Variants in IGSF9B observed in about 807,000 individuals in gnomAD.
The protein encoded by IGSF9B is protein turtle homolog B.
In IGSF9B, 48 loss-of-function variants were observed where a neutral mutation model predicts 143.7. The observed-to-expected ratio is 0.33, with a 90% CI of 0.26 to 0.42. IGSF9B has a LOEUF of 0.42. IGSF9B is among the 20% of genes least tolerant of loss of function. The pLI is 1.00. For missense variants in IGSF9B, 1,706 were observed against 1,980.0 expected (o/e 0.86, Z 2.63); for synonymous variants, 903 against 833.1 (o/e 1.08, Z -1.44).
At chr11:133,932,276 CAG>C in intron 7 of IGSF9B, 63 bp from the exon 8 acceptor site, 1 of 1,477,220 alleles carries the variant, frequency 6.8e-7, no homozygotes. Flanking sequence ...CAGACAGACA[CAG>C]GGACAGACAG....
At chr11:133,938,223 G>A (rs1939861245) in intron 3 of IGSF9B, 2 of 398,638 alleles carry the variant, frequency 5.0e-6, no homozygotes, top group African/African-American at 4.0e-5. Context: ...TCTACTCTAG[G>A]GTGGCCCTTA....
chr11:133,951,966 G>GC (rs956893261), intron 1 of IGSF9B: 19 of 439,276 alleles, frequency 4.3e-5, no homozygotes, highest in Non-Finnish European at 7.9e-5. Flanking sequence ...CAAGTCACAG[G>GC]CCCCCGCTCC....
rs984671804 is a variant in IGSF9B, at chr11:133,899,223, G to A, written c.*9846C>T. On this transcript the variant is annotated 3_prime_UTR_variant, in exon 20 of 20. Coordinates refer to ENST00000533871, the MANE Select transcript of IGSF9B (RefSeq NM_001277285.4). ...AGAGCTCAGGCTCCTGGCAGTGGCTGTGGGCCGTAAAAGCTCCATCAGAGC... is the reference window on the plus strand; with the variant it reads ...AGAGCTCAGGCTCCTGGCAGTGGCTATGGGCCGTAAAAGCTCCATCAGAGC... 8 of 152,408 alleles carry A rather than the reference G, an allele frequency of 5.2e-5. No homozygotes were observed. The East Asian group carries it at 5.8e-4, about 11-fold the overall frequency. The allele number at this position is 152,408 out of a possible 1,614,324, so 9.4% of individuals were successfully genotyped here. A position where few individuals can be genotyped will look rare whatever the true frequency, so the allele number is the denominator to read the frequency against.
Position 133,931,567 on chromosome 11 carries a change from G to A in IGSF9B, c.1254C>T (p.Asp418=). ...QSAPARLVLK[D]PPYFTVLPGW... is the part of the protein sequence containing the mutation. ...CTGGTAGCACCGTGAAATAGGGGGG[G>A]TCCTGGGGAGGAAAGCACAGGCACC... The change falls in exon 10 of 20, where the codon GAC becomes GAT. Residue 418 remains aspartate (D), a splice_region_variant and synonymous_variant. Coordinates refer to ENST00000533871, the MANE Select transcript of IGSF9B (RefSeq NM_001277285.4). The surrounding 1 kb of genome is among the most constrained non-coding windows in gnomAD (Gnocchi z 7.7). 1.2e-5 allele frequency: 19 copies of A among 1,613,176 alleles called. No individual in the cohort carries two copies. Among genetic ancestry groups the A allele is most frequent in the Admixed American group, 3.3e-5 (2 of 59,988 alleles).
chr11:133,927,600 A>G (rs1591715794), intron 12 of IGSF9B, among the ~76,000 whole-genome samples: 1 of 152,318 alleles, frequency 6.6e-6, no homozygotes, highest in East Asian at 1.9e-4. Context: ...TCCAGGGTAT[A>G]AGACCATAAT....
Position 133,904,335 on chromosome 11 carries a change from A to G in IGSF9B, c.*4734T>C, listed in dbSNP as rs1338919680. On this transcript the variant is annotated 3_prime_UTR_variant, in exon 20 of 20. Transcript: ENST00000533871. Reference sequence around the variant, plus strand: ...CTGGTGATAGGATGGGCATCTCAAGACAAGTTTCTCAGCTTTGGGCCTGAG... The same window carrying G: ...CTGGTGATAGGATGGGCATCTCAAGGCAAGTTTCTCAGCTTTGGGCCTGAG... 1.3e-5 allele frequency among the ~76,000 whole-genome samples: 2 copies of G among 152,180 alleles called. No individual in the cohort carries two copies. The highest frequency in any genetic ancestry group is 2.9e-5 in the Non-Finnish European group (2 of 68,030).
In IGSF9B at chr11:133,945,865, AC is replaced by A. The variant is rs1335992615; in HGVS notation, c.262+195del. 1.3e-5 allele frequency among the ~76,000 whole-genome samples: 2 copies of A among 151,782 alleles called. No homozygotes were observed. Among genetic ancestry groups the A allele is most frequent in the Non-Finnish European group, 2.9e-5 (2 of 67,958 alleles). On this transcript the variant is annotated intron_variant, in intron 2 of 19. Coordinates refer to ENST00000533871, the MANE Select transcript of IGSF9B (RefSeq NM_001277285.4). The surrounding 1 kb of genome is among the most constrained non-coding windows in gnomAD (Gnocchi z 4.6). ...CAGGCGGTGCTGTTCAGAAGGCTTT[AC>A]CCTGCCCCACCTCCACAGCCCTCTC... is the stretch of plus-strand genomic sequence containing the variant.
chr11:133,922,747 G>A lies in IGSF9B; in HGVS notation c.2120-17C>T. 1.3e-6 allele frequency: 2 copies of A among 1,541,240 alleles called. No individual in the cohort carries two copies. The highest frequency in any genetic ancestry group is 2.4e-5 in the South Asian group (2 of 83,876). The stretch of plus-strand genomic sequence containing the variant: ...GGAAGATGTCTGCAGGGAGGGTGGG[G>A]AGCACTCATGAGCCCATCCTTCCCC... On this transcript the variant is annotated splice_polypyrimidine_tract_variant and intron_variant, in intron 15 of 19. Transcript: ENST00000533871.
chr11:133,944,499 A>G (rs1940009731), intron 2 of IGSF9B, 133 bp from the exon 3 acceptor site: 1 of 943,896 alleles, frequency 1.1e-6, no homozygotes, highest in South Asian at 1.6e-5. Context: ...GCTCCAGAAT[A>G]ACAGCTGGCA....
rs1383572322 is a variant in IGSF9B, at chr11:133,935,955, G to C, written c.821+98C>G. ...GACTGCCCACCTCCCCCAGCTCCAA[G>C]AGCCACGGGCAGCCTGCCCGTGCAA... is the stretch of plus-strand genomic sequence containing the variant. On this transcript the variant is annotated intron_variant, in intron 6 of 19. Transcript: ENST00000533871. The C allele has an allele frequency of 3.4e-6, 5 of 1,469,450 alleles. No individual in the cohort carries two copies. In the African/African-American group the frequency reaches 5.6e-5, roughly 16 times the overall value. 91.0% of individuals were successfully genotyped at this position (1,469,450 alleles called of 1,614,324 possible). A position where few individuals can be genotyped will look rare whatever the true frequency, so the allele number is the denominator to read the frequency against.
At chr11:133,936,030 A>G (rs755915875) in intron 6 of IGSF9B, 23 bp downstream of exon 6, 1 of 1,610,738 alleles carries the variant, frequency 6.2e-7, no homozygotes, top group Non-Finnish European at 8.5e-7. Flanking sequence ...AACCTCATTG[A>G]AAAGTCAGAG....
rs143726856 is a variant in IGSF9B, at chr11:133,944,111, G to A, written c.409+109C>T. On this transcript the variant is annotated intron_variant, in intron 3 of 19. Transcript: ENST00000533871. ...CACAGCAACAAGGAGGGGGGCAGGGGGTGAGATGCAGTTGGGAGAAGGGCT... is the reference window on the plus strand; with the variant it reads ...CACAGCAACAAGGAGGGGGGCAGGGAGTGAGATGCAGTTGGGAGAAGGGCT... 8.6e-4 allele frequency: 1,029 copies of A among 1,193,332 alleles called. 9 individuals carry two copies. The African/African-American group carries it at 0.014, about 16-fold the overall frequency. The allele number at this position is 1,193,332 out of a possible 1,614,324, so 73.9% of individuals were successfully genotyped here. A position where few individuals can be genotyped will look rare whatever the true frequency, so the allele number is the denominator to read the frequency against.
At chr11:133,943,049 C>G (rs329644) in intron 3 of IGSF9B, among the ~76,000 whole-genome samples, 96,517 of 152,008 alleles carry the variant, frequency 0.63, 31,376 homozygotes, top group Middle Eastern at 0.74. Flanking sequence ...CCCAGCCCCC[C>G]CAGGCAGGGC....
rs1266269394 is a variant in IGSF9B at position 133,931,069 on chromosome 11, C to T, written c.1434G>A (p.Leu478=). The change falls in exon 11 of 20, where the codon CTG becomes CTA. Residue 478 remains leucine (L), a synonymous_variant. Transcript: ENST00000533871. The surrounding 1 kb of genome is among the most constrained non-coding windows in gnomAD (Gnocchi z 7.7). ...LPSGSLQFRA[L]SKEDHGEWEC... ...CCCACTCCCCGTGGTCCTCCTTACT[C>T]AGGGCACGGAACTGCAGGCTCCCAC... is the stretch of plus-strand genomic sequence containing the variant. 2 of 1,613,818 alleles carry T rather than the reference C, an allele frequency of 1.2e-6. No homozygotes were observed. Among genetic ancestry groups the T allele is most frequent in the African/African-American group, 1.3e-5 (1 of 75,048 alleles).
intron 16 of IGSF9B, 98 bp downstream of exon 16, chr11:133,922,471 A>AT (rs2121295339): frequency 8.1e-7 from 1 of 1,238,790 alleles, no homozygotes; most frequent in East Asian, 2.5e-5. Flanking sequence ...CAATGTCCCT[A>AT]TTTCCAAGGG....
In IGSF9B at chr11:133,920,214, A is replaced by G; in HGVS notation, c.3511T>C (p.Tyr1171His). The G allele has an allele frequency of 6.6e-7, 1 of 1,513,860 alleles. No homozygotes were observed. The highest frequency in any genetic ancestry group is 8.8e-7 in the Non-Finnish European group (1 of 1,131,444). 93.8% of individuals were successfully genotyped at this position (1,513,860 alleles called of 1,614,324 possible). A position where few individuals can be genotyped will look rare whatever the true frequency, so the allele number is the denominator to read the frequency against. ...GGCCGGGGCCGGGGCTGGGGCTCAT[A>G]CCACCGGGTGTCCAGGCCAAATGTG... ...PSTFGLDTRW[Y>H]EPQPRPRPSP... Residue 1171 changes from tyrosine (Y) to histidine (H), a missense_variant, in exon 18 of 20, where the codon TAT becomes CAT. Transcript: ENST00000533871.
In IGSF9B at chr11:133,901,879, CACACACACACA is replaced by C. The variant is rs766077017; in HGVS notation, c.*7179_*7189del. On this transcript the variant is annotated 3_prime_UTR_variant, in exon 20 of 20. Coordinates refer to ENST00000533871, the MANE Select transcript of IGSF9B (RefSeq NM_001277285.4). ...CCACACACGCACCACACACGCACCA[CACACACACACA>C]ACACACACACAACACACCACACACA... Among the ~76,000 whole-genome samples, 57 of 141,756 alleles carry C rather than the reference CACACACACACA, an allele frequency of 4.0e-4. No individual in the cohort carries two copies. Among genetic ancestry groups the C allele is most frequent in the East Asian group, 1.1e-3 (5 of 4,622 alleles). 93.0% of individuals were successfully genotyped at this position (141,756 alleles called of 152,430 possible).
chr11:133,924,597 A>G (rs901804716), intron 15 of IGSF9B, among the ~76,000 whole-genome samples: 1 of 152,182 alleles, frequency 6.6e-6, no homozygotes, highest in Admixed American at 6.5e-5. Context: ...GTCTTATACA[A>G]GTGTCAGAAA....
At position 133,913,642 on chromosome 11, in the gene IGSF9B, A is replaced by G. The variant is rs1250827318; in HGVS notation, c.3984-1635T>C. On this transcript the variant is annotated intron_variant, in intron 18 of 19. Transcript: ENST00000533871. This position sits in a 1 kb window ranked among gnomAD's most constrained non-coding sequence, Gnocchi z 4.6. ...GGGTCCCTCAGGTGCACACACAGGCACACACAGCCCTCTTGTGAAGAAGTG... is the reference window on the plus strand; with the variant it reads ...GGGTCCCTCAGGTGCACACACAGGCGCACACAGCCCTCTTGTGAAGAAGTG... Among the ~76,000 whole-genome samples the G allele has an allele frequency of 1.3e-5, 2 of 152,228 alleles. No individual in the cohort carries two copies. Among genetic ancestry groups the G allele is most frequent in the African/African-American group, 4.8e-5 (2 of 41,466 alleles).
Sources: allele counts gnomAD v4.1 joint callset (sites outside exome capture counted in the v4.1 genomes callset), GRCh38; gene constraint gnomAD v4.1.1; non-coding constraint Gnocchi (gnomAD v3.1); transcripts MANE v1.5; gene names NCBI Gene and HGNC (gene_info 2026-07-23, HGNC 2026-07-21).